The following SPON2 variants were observed in gnomAD, a reference collection of about 807,000 sequenced individuals.
The protein encoded by SPON2 is spondin 2.
SPON2 carries 32 observed loss-of-function variants against 29.9 expected under a neutral mutation model. That is an observed-to-expected ratio of 1.07 (90% CI 0.81 to 1.44). The LOEUF is 1.44. SPON2 is among the 40% of genes most tolerant of loss of function. The pLI, the probability that SPON2 is intolerant of heterozygous loss-of-function variation, is 0.00. For synonymous variants in SPON2, 248 were observed against 209.1 expected (o/e 1.19, Z -1.61); for missense variants, 541 against 455.5 (o/e 1.19, Z -1.71).
At chr4:1,180,014 A>G (rs1727677135) in intron 1 of SPON2, among the ~76,000 whole-genome samples, 1 of 152,148 alleles carries the variant, frequency 6.6e-6, no homozygotes, top group African/African-American at 2.4e-5. Flanking sequence ...TGAGATGTCA[A>G]TGGGGAGCTT....
At chr4:1,175,887 G>A (rs538798937), upstream of SPON2, among the ~76,000 whole-genome samples, 84 of 152,146 alleles carry the variant, frequency 5.5e-4, no homozygotes, top group Admixed American at 1.2e-3. Flanking sequence ...GAAGGGAGGG[G>A]GCTTGTTTGG....
intron 1 of SPON2, among the ~76,000 whole-genome samples, chr4:1,193,826 GTGGGAAGGACGTGGGGGGGCA>G (rs1312471953): frequency 6.4e-5 from 5 of 78,300 alleles, no homozygotes; most frequent in Admixed American, 2.5e-4. Context: ...GGGGGGTGGC[GTGGGAAGGACGTGGGGGGGCA>G]GCGTGGGAAG....
At chr4:1,177,385 T>C (rs571520455), upstream of SPON2, among the ~76,000 whole-genome samples, 5 of 152,374 alleles carry the variant, frequency 3.3e-5, no homozygotes, top group East Asian at 7.7e-4. Context: ...AATGTGTTGC[T>C]AAGGTTGGAC....
At chr4:1,192,602 C>A (rs1727935307) in intron 1 of SPON2, among the ~76,000 whole-genome samples, 1 of 151,912 alleles carries the variant, frequency 6.6e-6, no homozygotes, top group South Asian at 2.1e-4. Context: ...CAGAGGGTGG[C>A]TCAGGCTAAG....
chr4:1,195,869 G>A (rs1472117491), upstream of SPON2, among the ~76,000 whole-genome samples: 2 of 152,166 alleles, frequency 1.3e-5, no homozygotes, highest in Non-Finnish European at 2.9e-5. Flanking sequence ...TCCTGGCTTC[G>A]AGCCATCCTC....
chr4:1,170,853 A>T, intron 4 of SPON2, 146 bp downstream of exon 4: 1 of 1,200,878 alleles, frequency 8.3e-7, no homozygotes, highest in Non-Finnish European at 1.2e-6. Flanking sequence ...CCCCTTGCTC[A>T]CTGCTGGCGC....
At chr4:1,175,569 G>A (rs1336866049), upstream of SPON2, among the ~76,000 whole-genome samples, 1 of 151,172 alleles carries the variant, frequency 6.6e-6, no homozygotes, top group Non-Finnish European at 1.5e-5. Flanking sequence ...AGGCTGTGTG[G>A]GGGGAGTCTC....
rs1254812160 is a variant in SPON2, at chr4:1,189,784, C to T, written c.-239+5206G>A. Among the ~76,000 whole-genome samples, 9 of 151,300 alleles carry T rather than the reference C, an allele frequency of 5.9e-5. No individual in the cohort carries two copies. The East Asian group carries it at 1.4e-3, about 23-fold the overall frequency. ...CGGGCGGATCACAAGGTCGGGAGATCGAGACCATCCTAGCTAAGATGGTGA... is the reference window on the plus strand; with the variant it reads ...CGGGCGGATCACAAGGTCGGGAGATTGAGACCATCCTAGCTAAGATGGTGA... On this transcript the variant is annotated intron_variant, in intron 1 of 3. Coordinates refer to the SPON2 transcript ENST00000502483.
chr4:1,187,006 T>C (rs1727819164), intron 1 of SPON2, among the ~76,000 whole-genome samples: 1 of 152,190 alleles, frequency 6.6e-6, no homozygotes, highest in African/African-American at 2.4e-5. Flanking sequence ...GACTGTATGA[T>C]CCCACATTGC....
upstream of SPON2, chr4:1,172,698 C>G (rs1727497235): frequency 1.3e-5 from 2 of 152,496 alleles, no homozygotes; most frequent in Admixed American, 6.5e-5. Flanking sequence ...CAGCGAGAGG[C>G]AGATAGGACG....
At chr4:1,175,329 C>A (rs116787560), upstream of SPON2, among the ~76,000 whole-genome samples, 2,993 of 152,338 alleles carry the variant, frequency 0.02, 97 homozygotes, top group African/African-American at 0.069. Context: ...GCCGTGGCAG[C>A]GGCTTCCAGG....
At position 1,171,190 on chromosome 4, in the gene SPON2, C is replaced by A. The variant is rs374757873; in HGVS notation, c.445G>T (p.Val149Phe). The part of the protein sequence containing the change: ...ELEVQRRHSL[V>F]SFVVRIVPSP... ...GGCACGATGCGCACCACAAACGAGA[C>A]CTGCGGCGACAGCGGCTCAGCGCGC... The change falls in exon 4 of 6, where the codon GTC becomes TTC. Residue 149 changes from valine (V) to phenylalanine (F), a missense_variant and splice_region_variant. Val to Phe is a conservative substitution (Grantham distance 50). Transcript: ENST00000290902. 2.0e-6 allele frequency: 3 copies of A among 1,506,178 alleles called. No individual in the cohort carries two copies. Among genetic ancestry groups the A allele is most frequent in the Non-Finnish European group, 2.6e-6 (3 of 1,133,422 alleles). 93.3% of individuals were successfully genotyped at this position (1,506,178 alleles called of 1,614,324 possible).
At chr4:1,171,623 C>T (rs976370148) in intron 2 of SPON2, 137 bp from the exon 3 acceptor site, 7 of 966,488 alleles carry the variant, frequency 7.2e-6, no homozygotes, top group African/African-American at 3.3e-5. Flanking sequence ...ACCGTGACAC[C>T]CTGTGGCTGC....
At chr4:1,201,236 C>A in intron 1 of SPON2, 1 of 408,886 alleles carries the variant, frequency 2.4e-6, no homozygotes. Context: ...GGGTCTGGCC[C>A]TGTGCCATGC....
At chr4:1,177,959 CTG>C (rs201996978), upstream of SPON2, among the ~76,000 whole-genome samples, 3,750 of 152,318 alleles carry the variant, frequency 0.025, 52 homozygotes, top group Middle Eastern at 0.044. Context: ...CTGAAAAGTC[CTG>C]TGTTTGCCAG....
upstream of SPON2, chr4:1,208,152 G>C (rs1180794336): frequency 6.6e-6 from 1 of 152,306 alleles, no homozygotes; most frequent in Non-Finnish European, 1.5e-5. Flanking sequence ...CTCTGCTGTT[G>C]TTTTTTGCTG....
At chr4:1,199,280 C>T (rs1728141097), upstream of SPON2, 1 of 152,102 alleles carries the variant, frequency 6.6e-6, no homozygotes, top group Admixed American at 6.6e-5. The surrounding 1 kb of genome is among the most constrained non-coding windows in gnomAD (Gnocchi z 4.5). Flanking sequence ...TGCCTGTAAT[C>T]CCAGCTACTC....
At chr4:1,167,864 G>A in intron 5 of SPON2, 2 of 479,624 alleles carry the variant, frequency 4.2e-6, no homozygotes, top group East Asian at 6.7e-5. Context: ...GACTGGAGTT[G>A]CGCGTTTCTA....
intron 5 of SPON2, 161 bp downstream of exon 5, chr4:1,170,241 G>T (rs1010857670): frequency 2.4e-5 from 17 of 711,894 alleles, no homozygotes; most frequent in Admixed American, 9.9e-5. Flanking sequence ...CATCTTCAGT[G>T]TGTGAATCAA....
Sources: gnomAD v4.1 joint callset for allele counts (sites outside exome capture counted in the v4.1 genomes callset) on GRCh38, gnomAD v4.1.1 for gene constraint, Gnocchi (gnomAD v3.1) non-coding constraint, MANE v1.5 for transcripts, NCBI Gene and HGNC (gene_info 2026-07-23, HGNC 2026-07-21) for gene names.